The following VPS13B variants were observed in gnomAD, a reference collection of about 807,000 sequenced individuals.
The protein encoded by VPS13B is vacuolar protein sorting 13 homolog B.
A neutral mutation model predicts 426.4 loss-of-function variants in VPS13B; 285 were observed. The observed-to-expected ratio is 0.67, with a 90% CI of 0.61 to 0.74. The LOEUF (loss-of-function observed/expected upper bound fraction) is 0.74. Ranked by LOEUF, VPS13B falls within the 30% of genes least tolerant of loss-of-function variation. The pLI, the probability that VPS13B is intolerant of heterozygous loss-of-function variation, is 0.00. For synonymous variants in VPS13B, 1,676 were observed against 1,676.4 expected, an observed-to-expected ratio of 1.00 and a Z score of 0.01; for missense variants, 4,537 against 4,782.6, an observed-to-expected ratio of 0.95 and a Z score of 1.51.
intron 23 of VPS13B, among the ~76,000 whole-genome samples, chr8:99,461,384 G>A (rs770413151): frequency 2.0e-5 from 3 of 152,116 alleles, no homozygotes; most frequent in African/African-American, 7.2e-5. Context: ...ATGAAATGAA[G>A]TTCAGCTTTG....
chr8:99,761,089 A>G lies in VPS13B; in HGVS notation c.7051-5685A>G, dbSNP rs142575447. On this transcript the variant is annotated intron_variant, in intron 39 of 61. Transcript: ENST00000357162. Reference sequence around the variant, plus strand: ...ATAAGTACGTGACTTTTATACATGTATTTAAAGGCATACAACTTAAATTTT... The same window carrying G: ...ATAAGTACGTGACTTTTATACATGTGTTTAAAGGCATACAACTTAAATTTT... 2.0e-4 allele frequency among the ~76,000 whole-genome samples: 30 copies of G among 152,336 alleles called. 1 individual carries two copies. The East Asian group carries it at 4.1e-3, about 21-fold the overall frequency.
intron 31 of VPS13B, among the ~76,000 whole-genome samples, chr8:99,558,928 A>C (rs1476305936): frequency 1.3e-5 from 2 of 152,318 alleles, no homozygotes; most frequent in African/African-American, 4.8e-5. Flanking sequence ...TATACCCAGT[A>C]ATGGGATGGC....
chr8:99,129,336 C>G (rs937844709), intron 8 of VPS13B, among the ~76,000 whole-genome samples: 9 of 151,380 alleles, frequency 5.9e-5, no homozygotes, highest in African/African-American at 1.9e-4. Flanking sequence ...GATATGTTGT[C>G]AGTTTTTTTA....
chr8:99,842,944 G>C (rs1174872030), intron 54 of VPS13B, among the ~76,000 whole-genome samples: 1 of 152,158 alleles, frequency 6.6e-6, no homozygotes, highest in Non-Finnish European at 1.5e-5. Context: ...CTTGAGCCCA[G>C]GAGTTTGAGA....
intron 17 of VPS13B, among the ~76,000 whole-genome samples, chr8:99,250,575 A>G (rs200968604): frequency 7.2e-6 from 1 of 139,130 alleles, no homozygotes; most frequent in Non-Finnish European, 1.6e-5. Flanking sequence ...CTTTCATTAA[A>G]TTGTATTTGC....
chr8:99,618,122 A>C (rs1828182668), intron 33 of VPS13B, among the ~76,000 whole-genome samples: 2 of 152,150 alleles, frequency 1.3e-5, no homozygotes, highest in Non-Finnish European at 2.9e-5. Context: ...GGGTGAGAGA[A>C]AAAGGGCAAA....
intron 16 of VPS13B, among the ~76,000 whole-genome samples, chr8:99,172,581 G>A (rs577392095): frequency 1.3e-5 from 2 of 152,094 alleles, no homozygotes; most frequent in Non-Finnish European, 2.9e-5. Context: ...TTGAAGGAGC[G>A]AAGGGGACAT....
intron 15 of VPS13B, among the ~76,000 whole-genome samples, chr8:99,167,848 C>G (rs928615548): frequency 6.6e-6 from 1 of 152,104 alleles, no homozygotes; most frequent in African/African-American, 2.4e-5. Context: ...CTGTTTCATA[C>G]ATTTTTATTG....
intron 21 of VPS13B, among the ~76,000 whole-genome samples, chr8:99,418,721 CT>C (rs1350957259): frequency 6.6e-6 from 1 of 151,902 alleles, no homozygotes; most frequent in African/African-American, 2.4e-5. Flanking sequence ...GCTAATAACA[CT>C]TTATCTTAGT....
intron 19 of VPS13B, among the ~76,000 whole-genome samples, chr8:99,362,096 C>A (rs1424860033): frequency 6.7e-6 from 1 of 149,336 alleles, no homozygotes; most frequent in Non-Finnish European, 1.5e-5. Context: ...GTTGTTTTTA[C>A]TAAATAAATG....
chr8:99,405,763 A>G (rs1264343345), intron 21 of VPS13B, among the ~76,000 whole-genome samples: 2 of 148,386 alleles, frequency 1.3e-5, no homozygotes, highest in African/African-American at 5.0e-5. Context: ...TTTCTTATAT[A>G]CTTCATCCTT....
In VPS13B at chr8:99,610,036, A is replaced by G. The variant is rs141286279; in HGVS notation, c.5221-31775A>G. Among the ~76,000 whole-genome samples the G allele has an allele frequency of 3.9e-5, 6 of 152,338 alleles. No homozygotes were observed. The East Asian group carries it at 1.2e-3, about 29-fold the overall frequency. On this transcript the variant is annotated intron_variant, in intron 33 of 61. Transcript: ENST00000357162. ...CACAAATGCTCCTCTCACACACCCA[A>G]CTTTCTGTCCCTGTTTCTTTTTTTC...
At chr8:99,044,860 AC>A (rs1747526469) in intron 3 of VPS13B, among the ~76,000 whole-genome samples, 1 of 23,080 alleles carries the variant, frequency 4.3e-5, no homozygotes, top group African/African-American at 9.0e-5. Context: ...TTATACACAC[AC>A]ACACACACAC....
intron 19 of VPS13B, among the ~76,000 whole-genome samples, chr8:99,345,353 A>G (rs1456299047): frequency 1.3e-5 from 2 of 152,204 alleles, no homozygotes; most frequent in East Asian, 3.8e-4. Context: ...AACTATTTCT[A>G]TAAGGACCAC....
At chr8:99,223,950 G>A (rs1809449804) in intron 17 of VPS13B, among the ~76,000 whole-genome samples, 1 of 152,084 alleles carries the variant, frequency 6.6e-6, no homozygotes, top group South Asian at 2.1e-4. Flanking sequence ...AGTGAAAGTT[G>A]GTTTTTTAGG....
intron 41 of VPS13B, among the ~76,000 whole-genome samples, chr8:99,778,190 C>T (rs1009042335): frequency 6.6e-6 from 1 of 150,820 alleles, no homozygotes; most frequent in Non-Finnish European, 1.5e-5. Flanking sequence ...CAAGATCACA[C>T]CACTGCACTC....
Position 99,720,957 on chromosome 8 carries a change from A to G in VPS13B, c.6960A>G (p.Arg2320=), listed in dbSNP as rs1238316814. The change falls in exon 39 of 62, where the codon AGA becomes AGG. Residue 2320 remains arginine, a synonymous_variant. Coordinates refer to ENST00000357162, the MANE Select transcript of VPS13B (RefSeq NM_152564.5). ...GMMLWRYPEP[R]VLTLVRITPV... is the part of the protein sequence containing the mutation. ...TGTTATGGAGATATCCAGAACCTAG[A>G]GTACTCACCCTTGTACGAATAACTC... 19 of 1,614,054 alleles carry G rather than the reference A, an allele frequency of 1.2e-5. No homozygotes were observed. The highest frequency in any genetic ancestry group is 1.3e-5 in the Non-Finnish European group (15 of 1,179,936).
chr8:99,367,229 T>C (rs1347925938), intron 19 of VPS13B, among the ~76,000 whole-genome samples: 1 of 152,222 alleles, frequency 6.6e-6, no homozygotes, highest in East Asian at 1.9e-4. Context: ...TGGGTAAGTC[T>C]TTATTTCTCC....
chr8:99,710,261 A>G (rs550649900), intron 36 of VPS13B, among the ~76,000 whole-genome samples: 62 of 152,294 alleles, frequency 4.1e-4, no homozygotes, highest in African/African-American at 1.3e-3. Flanking sequence ...GCCTTTTCCA[A>G]TGTTCCATTG....
Sources: allele counts gnomAD v4.1 joint callset (sites outside exome capture counted in the v4.1 genomes callset), GRCh38; gene constraint gnomAD v4.1.1; transcripts MANE v1.5; gene names NCBI Gene and HGNC (gene_info 2026-07-23, HGNC 2026-07-21).